The following ENOX1 variants were observed in gnomAD, a reference collection of about 807,000 sequenced individuals.
The protein encoded by ENOX1 is ecto-NOX disulfide-thiol exchanger 1.
A neutral mutation model predicts 82.5 loss-of-function variants in ENOX1; 42 were observed. That is an observed-to-expected ratio of 0.51 (90% CI 0.40 to 0.66). ENOX1 has a LOEUF of 0.66. Among genes scored for constraint, ENOX1 ranks in the 30% least tolerant of loss-of-function variants. ENOX1 has a pLI of 0.00. For synonymous variants in ENOX1, 271 were observed against 282.2 expected (o/e 0.96, Z 0.40); for missense variants, 608 against 811.6 (o/e 0.75, Z 3.05).
intron 2 of ENOX1, among the ~76,000 whole-genome samples, chr13:43,590,441 C>T (rs1041542492): frequency 2.0e-5 from 3 of 152,102 alleles, no homozygotes; most frequent in Non-Finnish European, 4.4e-5. Context: ...AATCCACAAA[C>T]ATGGTGAACA....
At chr13:43,594,866 G>T (rs558437516) in intron 2 of ENOX1, among the ~76,000 whole-genome samples, 9 of 152,162 alleles carry the variant, frequency 5.9e-5, no homozygotes, top group African/African-American at 2.2e-4. Context: ...GCTGCAAGGA[G>T]CATGGGTGAT....
intron 11 of ENOX1, among the ~76,000 whole-genome samples, chr13:43,300,766 C>T (rs1200324954): frequency 1.3e-5 from 2 of 151,994 alleles, no homozygotes; most frequent in East Asian, 3.8e-4. Context: ...ATTAGTTTGG[C>T]AATGGTGCAT....
chr13:43,371,031 A>T (rs937587566), intron 5 of ENOX1, among the ~76,000 whole-genome samples: 12 of 152,204 alleles, frequency 7.9e-5, no homozygotes, highest in African/African-American at 2.9e-4. Flanking sequence ...GGGGCCTCTA[A>T]ATTACTTCTT....
At chr13:43,539,784 T>C (rs2078630307) in intron 2 of ENOX1, among the ~76,000 whole-genome samples, 1 of 152,214 alleles carries the variant, frequency 6.6e-6, no homozygotes, top group Admixed American at 6.5e-5. Context: ...CTCTCTGAAT[T>C]TTCCTGTTTC....
chr13:43,473,937 C>G (rs1199844363), intron 3 of ENOX1, among the ~76,000 whole-genome samples: 1 of 152,114 alleles, frequency 6.6e-6, no homozygotes, highest in Non-Finnish European at 1.5e-5. Flanking sequence ...AACATCGTCA[C>G]TTGGAAATCA....
chr13:43,579,730 A>G (rs1164834780), intron 2 of ENOX1, among the ~76,000 whole-genome samples: 1 of 152,206 alleles, frequency 6.6e-6, no homozygotes, highest in Non-Finnish European at 1.5e-5. Flanking sequence ...GCAAACCTGA[A>G]GGGGAGGAAT....
chr13:43,312,274 CTTATT>C (rs575654784), intron 11 of ENOX1, among the ~76,000 whole-genome samples: 90 of 152,262 alleles, frequency 5.9e-4, no homozygotes, highest in African/African-American at 1.8e-3. Context: ...CCCTCAGACT[CTTATT>C]TTAAAGCTAT....
intron 1 of ENOX1, among the ~76,000 whole-genome samples, chr13:43,689,181 G>A (rs1280726225): frequency 2.0e-5 from 3 of 152,164 alleles, no homozygotes; most frequent in Non-Finnish European, 4.4e-5. Context: ...CTAGGATCAG[G>A]AGTAGACTGA....
chr13:43,577,666 AC>A (rs1340622333), intron 2 of ENOX1, among the ~76,000 whole-genome samples: 1 of 152,144 alleles, frequency 6.6e-6, no homozygotes, highest in Non-Finnish European at 1.5e-5. Flanking sequence ...CTCCCAAAGG[AC>A]CCCACTTCAC....
At chr13:43,567,552 T>G (rs1188142285) in intron 2 of ENOX1, among the ~76,000 whole-genome samples, 1 of 152,190 alleles carries the variant, frequency 6.6e-6, no homozygotes, top group Non-Finnish European at 1.5e-5. Flanking sequence ...GTTCATTTCA[T>G]CCCTGTCTAC....
rs2043011665 is a variant in ENOX1 at position 43,244,958 on chromosome 13, C to T, written c.1612-8220G>A. Among the ~76,000 whole-genome samples, 2 of 152,174 alleles carry T rather than the reference C, an allele frequency of 1.3e-5. 1 individual carries two copies. Among genetic ancestry groups the T allele is most frequent in the Admixed American group, 1.3e-4 (2 of 15,278 alleles). Reference sequence around the variant, plus strand: ...GATGTGTATCAGCTACATTCTTATCCTTTACTCACATTTTGCAAAGTTTCA... The same window carrying T: ...GATGTGTATCAGCTACATTCTTATCTTTTACTCACATTTTGCAAAGTTTCA... On this transcript the variant is annotated intron_variant, in intron 14 of 16. Transcript: ENST00000690772.
intron 5 of ENOX1, among the ~76,000 whole-genome samples, chr13:43,377,960 A>C (rs535051008): frequency 6.6e-6 from 1 of 152,200 alleles, no homozygotes; most frequent in East Asian, 1.9e-4. Context: ...GTCAGTGCCC[A>C]AGACCTATCA....
chr13:43,500,840 G>T (rs1450194096), intron 2 of ENOX1, among the ~76,000 whole-genome samples: 1 of 151,710 alleles, frequency 6.6e-6, no homozygotes, highest in East Asian at 1.9e-4. Flanking sequence ...CATAGTTTTT[G>T]TGTGTTATTG....
intron 2 of ENOX1, among the ~76,000 whole-genome samples, chr13:43,542,661 A>G (rs529783486): frequency 1.3e-5 from 2 of 151,782 alleles, no homozygotes; most frequent in African/African-American, 2.4e-5. Context: ...GTCTCAAACT[A>G]TTGAGCTCAG....
At chr13:43,724,658 G>C (rs10507520) in intron 1 of ENOX1, among the ~76,000 whole-genome samples, 5,300 of 152,284 alleles carry the variant, frequency 0.035, 248 homozygotes, top group East Asian at 0.24. Context: ...TGTAACTCTG[G>C]TAATAGGTTT....
intron 2 of ENOX1, chr13:43,548,062 C>T (rs149768208): frequency 9.1e-4 from 139 of 152,238 alleles, no homozygotes; most frequent in African/African-American, 3.2e-3. Flanking sequence ...AGAATTTGGC[C>T]AAAGGCTCTT....
chr13:43,257,297 A>G (rs1301360837), intron 14 of ENOX1, among the ~76,000 whole-genome samples: 6 of 152,194 alleles, frequency 3.9e-5, no homozygotes, highest in Non-Finnish European at 7.3e-5. Flanking sequence ...GAAGAATTTG[A>G]GTGTTCATAG....
At chr13:43,616,125 G>A (rs371302713) in intron 2 of ENOX1, among the ~76,000 whole-genome samples, 2 of 50,786 alleles carry the variant, frequency 3.9e-5, no homozygotes, top group Non-Finnish European at 4.3e-5. Context: ...TAGATCTATA[G>A]ATATCTATCT....
intron 10 of ENOX1, among the ~76,000 whole-genome samples, chr13:43,325,883 T>A (rs1183074124): frequency 6.6e-6 from 1 of 152,178 alleles, no homozygotes; most frequent in Non-Finnish European, 1.5e-5. Context: ...CACACATGCA[T>A]GGTTGCTGAT....
Sources: allele counts gnomAD v4.1 joint callset (sites outside exome capture counted in the v4.1 genomes callset), GRCh38; gene constraint gnomAD v4.1.1; transcripts MANE v1.5; gene names NCBI Gene and HGNC (gene_info 2026-07-23, HGNC 2026-07-21).